ACYP2: variants seen among roughly 807,000 people sequenced by gnomAD.
ACYP2 encodes acylphosphatase-2.
In ACYP2, 12 loss-of-function variants were observed where a neutral mutation model predicts 11.2. The observed-to-expected ratio is 1.08, with a 90% CI of 0.69 to 1.74. The LOEUF is 1.74. ACYP2 is among the 40% of genes most tolerant of loss of function. The probability of loss-of-function intolerance (pLI) is 0.00; values close to 1 mark genes in which losing one functional copy is unlikely to be tolerated. For synonymous variants in ACYP2, 43 were observed against 32.2 expected, an observed-to-expected ratio of 1.33 and a Z score of -1.13; for missense variants, 134 against 101.9, an observed-to-expected ratio of 1.31 and a Z score of -1.35.
chr2:54,092,517 G>T (rs1678291314), intron 4 of ACYP2, among the ~76,000 whole-genome samples: 1 of 152,134 alleles, frequency 6.6e-6, no homozygotes, highest in Non-Finnish European at 1.5e-5. Flanking sequence ...ATGAGGAATG[G>T]AATCATCCAC....
intron 6 of ACYP2, among the ~76,000 whole-genome samples, chr2:54,252,818 G>A (rs751294365): frequency 6.6e-6 from 1 of 151,796 alleles, no homozygotes; most frequent in South Asian, 2.1e-4. Context: ...GCAGGAGAAC[G>A]GTATGAACCT....
chr2:54,004,694 G>A (rs979913785), intron 2 of ACYP2, among the ~76,000 whole-genome samples: 2 of 151,960 alleles, frequency 1.3e-5, no homozygotes, highest in African/African-American at 4.8e-5. Context: ...ACAGGTGTGA[G>A]CCACCGCGCT....
At chr2:54,095,179 G>A (rs1040592239) in intron 4 of ACYP2, among the ~76,000 whole-genome samples, 7 of 152,280 alleles carry the variant, frequency 4.6e-5, no homozygotes, top group African/African-American at 1.7e-4. Flanking sequence ...CACAGCACAT[G>A]TTTCAGAGAG....
At chr2:54,182,122 C>T (rs1286804603) in intron 6 of ACYP2, among the ~76,000 whole-genome samples, 1 of 137,208 alleles carries the variant, frequency 7.3e-6, no homozygotes, top group African/African-American at 2.8e-5. Flanking sequence ...TATGGTGGCA[C>T]AATCTCAGCT....
chr2:54,303,846 GC>G (rs1689817707), intron 6 of ACYP2, among the ~76,000 whole-genome samples: 3 of 152,178 alleles, frequency 2.0e-5, no homozygotes, highest in African/African-American at 4.8e-5. Context: ...GTATAAAACA[GC>G]CTTGTTTTAT....
intron 6 of ACYP2, among the ~76,000 whole-genome samples, chr2:54,244,292 C>T (rs1454826292): frequency 1.3e-5 from 2 of 152,204 alleles, no homozygotes; most frequent in Non-Finnish European, 2.9e-5. Context: ...ACCTCCGCCT[C>T]CTGGGTTCAA....
At chr2:54,234,687 T>A (rs1686395355) in intron 6 of ACYP2, among the ~76,000 whole-genome samples, 1 of 152,198 alleles carries the variant, frequency 6.6e-6, no homozygotes, top group Admixed American at 6.5e-5. Context: ...CAAGATTAAT[T>A]TTTTCCTTAA....
intron 6 of ACYP2, among the ~76,000 whole-genome samples, chr2:54,182,259 C>T (rs1363453616): frequency 6.6e-6 from 1 of 151,912 alleles, no homozygotes; most frequent in East Asian, 1.9e-4. Flanking sequence ...AGAGTTTCGT[C>T]ATGTTGGCCA....
chr2:54,100,902 A>C (rs1195311279), intron 4 of ACYP2, among the ~76,000 whole-genome samples: 1 of 152,234 alleles, frequency 6.6e-6, no homozygotes, highest in Non-Finnish European at 1.5e-5. Flanking sequence ...ATGCCAAGAA[A>C]TGTGGACTTT....
chr2:54,184,965 C>G (rs558536669), intron 6 of ACYP2, among the ~76,000 whole-genome samples: 69 of 151,996 alleles, frequency 4.5e-4, no homozygotes, highest in African/African-American at 1.6e-3. Flanking sequence ...TCTGCCTCAG[C>G]CTCCCGAGTA....
At chr2:54,205,581 T>G (rs936911664) in intron 6 of ACYP2, among the ~76,000 whole-genome samples, 3 of 152,218 alleles carry the variant, frequency 2.0e-5, no homozygotes, top group African/African-American at 7.2e-5. Context: ...TGTGAGGTAT[T>G]TTCAGCTCTT....
At chr2:54,003,035 C>T (rs987490214) in intron 2 of ACYP2, among the ~76,000 whole-genome samples, 7 of 151,798 alleles carry the variant, frequency 4.6e-5, no homozygotes, top group African/African-American at 1.2e-4. Context: ...GCAACCTCCA[C>T]CTCCTGGGTT....
intron 4 of ACYP2, among the ~76,000 whole-genome samples, chr2:54,093,942 A>AAAACAAAC (rs145012157): frequency 8.4e-4 from 127 of 151,094 alleles, no homozygotes; most frequent in Middle Eastern, 3.5e-3. Flanking sequence ...TCTGTCTCAA[A>AAAACAAAC]AAACAAACAA....
At chr2:54,092,153 G>GA (rs1163170897) in intron 4 of ACYP2, among the ~76,000 whole-genome samples, 1 of 151,992 alleles carries the variant, frequency 6.6e-6, no homozygotes, top group Non-Finnish European at 1.5e-5. Context: ...TTAAGGAAGG[G>GA]AAAAAAATGT....
chr2:54,122,774 A>C (rs937973434), intron 4 of ACYP2, among the ~76,000 whole-genome samples: 1 of 152,142 alleles, frequency 6.6e-6, no homozygotes, highest in Non-Finnish European at 1.5e-5. Flanking sequence ...TTGCAGAGTT[A>C]ATGGGCTAGA....
intron 6 of ACYP2, among the ~76,000 whole-genome samples, chr2:54,294,480 G>C (rs544745656): frequency 6.6e-6 from 1 of 152,054 alleles, no homozygotes; most frequent in Non-Finnish European, 1.5e-5. Flanking sequence ...CGGTGGGATG[G>C]TATCTGCAGG....
At chr2:54,114,758 T>G (rs1490109735) in intron 4 of ACYP2, among the ~76,000 whole-genome samples, 2 of 152,210 alleles carry the variant, frequency 1.3e-5, no homozygotes, top group East Asian at 3.8e-4. Flanking sequence ...GTTTTTCTTT[T>G]GTCTGTTTCC....
At chr2:54,069,780 G>A (rs1676933950) in intron 4 of ACYP2, among the ~76,000 whole-genome samples, 1 of 152,210 alleles carries the variant, frequency 6.6e-6, no homozygotes, top group Non-Finnish European at 1.5e-5. Flanking sequence ...TGATGAATAT[G>A]CTAGTTGGCC....
intron 6 of ACYP2, among the ~76,000 whole-genome samples, chr2:54,238,215 T>C (rs1008002976): frequency 6.6e-6 from 1 of 152,242 alleles, no homozygotes; most frequent in South Asian, 2.1e-4. Flanking sequence ...TAGCACTTAC[T>C]ACAATATGAC....
Sources: allele counts gnomAD v4.1 joint callset (sites outside exome capture counted in the v4.1 genomes callset), GRCh38; gene constraint gnomAD v4.1.1; transcripts MANE v1.5; gene names NCBI Gene and HGNC (gene_info 2026-07-23, HGNC 2026-07-21).